The following RIBC2 variants were observed in gnomAD, a reference collection of about 807,000 sequenced individuals.
The protein encoded by RIBC2 is RIB43A-like with coiled-coils protein 2.
Under a neutral mutation model 44.3 loss-of-function variants are expected in RIBC2, and 40 were observed. The ratio of observed to expected loss-of-function variants is 0.90; its 90% confidence interval spans 0.70 to 1.18. The LOEUF is 1.18. RIBC2 is among the 50% of genes most tolerant of loss of function. The pLI, the probability that RIBC2 is intolerant of heterozygous loss-of-function variation, is 0.00. For synonymous variants in RIBC2, 171 were observed against 175.0 expected, an observed-to-expected ratio of 0.98 and a Z score of 0.18; for missense variants, 459 against 485.5, an observed-to-expected ratio of 0.95 and a Z score of 0.51.
rs370030287 is a variant in RIBC2 at position 45,431,005 on chromosome 22, C to T, written c.1009C>T (p.Arg337Cys). The T allele has an allele frequency of 3.4e-5, 54 of 1,590,816 alleles. No homozygotes were observed. The highest frequency in any genetic ancestry group is 4.4e-5 in the Non-Finnish European group (52 of 1,169,446). Residue 337 changes from arginine (R) to cysteine (C), a missense_variant, in exon 6 of 7, where the codon CGC becomes TGC. By Grantham distance (180) the Arg-to-Cys change is radical. Coordinates refer to ENST00000614167, the MANE Select transcript of RIBC2 (RefSeq NM_015653.5). ...TGAGCGGCAGCAGTGGCGGCGGCAG[C>T]GCGACCTGCGCAGAGCTCTGGACAG... ...LFERQQWRRQ[R>C]DLRRALDSSN...
chr22:45,429,410 G>A (rs1478804593), intron 5 of RIBC2, among the ~76,000 whole-genome samples: 2 of 152,136 alleles, frequency 1.3e-5, no homozygotes, highest in African/African-American at 4.8e-5. Flanking sequence ...ATCTGGAGAG[G>A]GTCTCAAACC....
chr22:45,418,209 C>T lies in RIBC2; in HGVS notation c.556+263C>T, dbSNP rs1178520715. 1.1e-4 allele frequency: 31 copies of T among 294,024 alleles called. 3 individuals are homozygous for T. The South Asian group carries it at 1.7e-3, about 16-fold the overall frequency. 18.2% of individuals were successfully genotyped at this position (294,024 alleles called of 1,614,324 possible). ...CCTCAGTCATGTGGAAAACACTTTC[C>T]GTGTCGGGGTCCCAGTTGGATGCCG... On this transcript the variant is annotated intron_variant, in intron 3 of 6. Coordinates refer to ENST00000614167, the MANE Select transcript of RIBC2 (RefSeq NM_015653.5).
chr22:45,422,618 A>T, intron 4 of RIBC2: 1 of 557,864 alleles, frequency 1.8e-6, no homozygotes, highest in Non-Finnish European at 3.2e-6. Flanking sequence ...TTGGAGGGAA[A>T]CCTGCCAAAC....
chr22:45,422,880 C>T lies in RIBC2; in HGVS notation c.675+472C>T, dbSNP rs560712078. On this transcript the variant is annotated intron_variant, in intron 4 of 6. Transcript: ENST00000614167. ...ACTGGGGCCTCCTGAGACCTCCCAC[C>T]TCCTCTCTAAACTCTGGCCCCCCTC... 1.7e-4 allele frequency among the ~76,000 whole-genome samples: 26 copies of T among 152,238 alleles called. No individual in the cohort carries two copies. In the South Asian group the frequency reaches 5.2e-3, roughly 30 times the overall value.
In RIBC2 at chr22:45,413,700, ACATTTCC is replaced by A; in HGVS notation, c.-186_-180del. The A allele has an allele frequency of 8.5e-7, 1 of 1,172,882 alleles. No homozygotes were observed. The highest frequency in any genetic ancestry group is 1.2e-6 in the Non-Finnish European group (1 of 825,238). 72.7% of individuals were successfully genotyped at this position (1,172,882 alleles called of 1,614,324 possible). A position where few individuals can be genotyped will look rare whatever the true frequency, so the allele number is the denominator to read the frequency against. Reference sequence around the variant, plus strand: ...GCCGTTCCTTAGCAACGAGTTGTTGACATTTCCGAGAGAGCGGGAGCGTCTGTACCTC... The same window carrying A: ...GCCGTTCCTTAGCAACGAGTTGTTGAGAGAGAGCGGGAGCGTCTGTACCTC... On this transcript the variant is annotated 5_prime_UTR_variant, in exon 1 of 7. Transcript: ENST00000614167.
intron 4 of RIBC2, among the ~76,000 whole-genome samples, chr22:45,423,296 C>T (rs117283506): frequency 0.043 from 6,487 of 151,836 alleles, 233 homozygotes; most frequent in Non-Finnish European, 0.056. Flanking sequence ...AATTAGAGCT[C>T]GCCCCCCTGC....
chr22:45,423,108 A>G (rs2087502835), intron 4 of RIBC2, among the ~76,000 whole-genome samples: 1 of 151,868 alleles, frequency 6.6e-6, no homozygotes, highest in African/African-American at 2.4e-5. Flanking sequence ...GAGCCATCCA[A>G]GTAGCTGGGA....
At chr22:45,416,786 A>G (rs943477301) in intron 2 of RIBC2, among the ~76,000 whole-genome samples, 2 of 151,360 alleles carry the variant, frequency 1.3e-5, no homozygotes, top group Non-Finnish European at 2.9e-5. Flanking sequence ...GTTTCCCCAC[A>G]TCCTTACTAA....
rs1349347271 is a variant in RIBC2, at chr22:45,413,751, C to T, written c.-136C>T. Reference sequence around the variant, plus strand: ...GTACCTCTGCGGCGTCACTGGGAGCCCGACGGAAAACTGCGCTAAAGGCTT... The same window carrying T: ...GTACCTCTGCGGCGTCACTGGGAGCTCGACGGAAAACTGCGCTAAAGGCTT... On this transcript the variant is annotated 5_prime_UTR_variant, in exon 1 of 7. Transcript: ENST00000614167. 1.6e-5 allele frequency: 21 copies of T among 1,311,358 alleles called. No individual in the cohort carries two copies. The highest frequency in any genetic ancestry group is 1.5e-4 in the South Asian group (10 of 66,322). The allele number at this position is 1,311,358 out of a possible 1,614,324, so 81.2% of individuals were successfully genotyped here.
chr22:45,415,157 C>G (rs2087409316), intron 2 of RIBC2, among the ~76,000 whole-genome samples: 1 of 147,982 alleles, frequency 6.8e-6, no homozygotes, highest in African/African-American at 2.5e-5. Context: ...CCAGACTTGC[C>G]TGGGCAACAA....
intron 5 of RIBC2, among the ~76,000 whole-genome samples, chr22:45,427,795 C>T (rs1349290170): frequency 6.6e-6 from 1 of 152,234 alleles, no homozygotes; most frequent in East Asian, 1.9e-4. Context: ...CCACCACACC[C>T]AGCTGCTTTT....
rs2087478550 is a variant in RIBC2 at position 45,421,499 on chromosome 22, T to TAATACTATTATTAATAA, written c.557-791_557-790insAATACTATTATTAATAA. On this transcript the variant is annotated intron_variant, in intron 3 of 6. Coordinates refer to ENST00000614167, the MANE Select transcript of RIBC2 (RefSeq NM_015653.5). ...TTGGATGTCTAATTAATTATTATTATTAATAATAGTATTATTAATAATAAT... is the reference window on the plus strand; with the variant it reads ...TTGGATGTCTAATTAATTATTATTATAATACTATTATTAATAATAATAATAGTATTATTAATAATAAT... Among the ~76,000 whole-genome samples the TAATACTATTATTAATAA allele has an allele frequency of 8.5e-5, 3 of 35,170 alleles. No homozygotes were observed. The African/African-American group carries it at 1.4e-3, about 16-fold the overall frequency. The allele number at this position is 35,170 out of a possible 152,430, so 23.1% of individuals were successfully genotyped here.
At chr22:45,414,252 T>G in intron 1 of RIBC2, 70 bp from the exon 2 acceptor site, 1 of 1,510,580 alleles carries the variant, frequency 6.6e-7, no homozygotes, top group Non-Finnish European at 8.8e-7. Flanking sequence ...AAAATAATAA[T>G]AAGTAGGATT....
Position 45,432,385 on chromosome 22 carries a change from G to GTCATTCAC in RIBC2, c.*24_*31dup. The stretch of plus-strand genomic sequence containing the variant: ...TAATGAGGAACACACCCTTGTTCCC[G>GTCATTCAC]TCATTCACGTATAAAGAGTGGCTAC... On this transcript the variant is annotated 3_prime_UTR_variant, in exon 7 of 7. Coordinates refer to ENST00000614167, the MANE Select transcript of RIBC2 (RefSeq NM_015653.5). 6.8e-7 allele frequency: 1 copy of GTCATTCAC among 1,468,258 alleles called. No homozygotes were observed. The highest frequency in any genetic ancestry group is 9.4e-7 in the Non-Finnish European group (1 of 1,058,552). The allele number at this position is 1,468,258 out of a possible 1,614,324, so 91.0% of individuals were successfully genotyped here.
chr22:45,416,874 T>C (rs1271169260), intron 2 of RIBC2, among the ~76,000 whole-genome samples: 1 of 151,854 alleles, frequency 6.6e-6, no homozygotes, highest in African/African-American at 2.4e-5. Context: ...GTGATCATCC[T>C]TTCATAATTG....
intron 4 of RIBC2, among the ~76,000 whole-genome samples, chr22:45,422,850 C>A (rs372765440): frequency 6.6e-6 from 1 of 152,108 alleles, no homozygotes; most frequent in Non-Finnish European, 1.5e-5. Flanking sequence ...ATAATGAGCT[C>A]GAACACTGGG....
chr22:45,423,915 C>T (rs1165886083), intron 4 of RIBC2, among the ~76,000 whole-genome samples: 4 of 152,168 alleles, frequency 2.6e-5, no homozygotes, highest in South Asian at 2.1e-4. Context: ...GTGATCTGCT[C>T]ATTCATTTAT....
At chr22:45,416,503 C>G (rs2087426221) in intron 2 of RIBC2, among the ~76,000 whole-genome samples, 1 of 152,138 alleles carries the variant, frequency 6.6e-6, no homozygotes, top group Non-Finnish European at 1.5e-5. Flanking sequence ...TGCTCTGTCA[C>G]CAGGCTGGAG....
intron 4 of RIBC2, among the ~76,000 whole-genome samples, chr22:45,423,394 C>T (rs149820609): frequency 8.2e-4 from 125 of 152,162 alleles, no homozygotes; most frequent in African/African-American, 2.9e-3. Flanking sequence ...TGATCAGGTT[C>T]GCTCGTCAAC....
Sources: gnomAD v4.1 joint callset for allele counts (sites outside exome capture counted in the v4.1 genomes callset) on GRCh38, gnomAD v4.1.1 for gene constraint, MANE v1.5 for transcripts, NCBI Gene and HGNC (gene_info 2026-07-23, HGNC 2026-07-21) for gene names.